Variants in CHD9 observed in about 807,000 individuals in gnomAD.
The protein encoded by CHD9 is chromodomain helicase DNA binding protein 9, also known as ATP-dependent chromatin remodeler CHD9.
CHD9 carries 77 observed loss-of-function variants against 316.1 expected under a neutral mutation model. The observed-to-expected ratio is 0.24, with a 90% CI of 0.20 to 0.29. The LOEUF is 0.29. Ranked by LOEUF, CHD9 falls within the 10% of genes least tolerant of loss-of-function variation. CHD9 has a pLI of 1.00. For synonymous variants in CHD9, 1,129 were observed against 1,158.3 expected, an observed-to-expected ratio of 0.97 and a Z score of 0.51; for missense variants, 2,763 against 3,438.1, an observed-to-expected ratio of 0.80 and a Z score of 4.91.
chr16:53,212,095 G>T (rs561546629), intron 3 of CHD9, among the ~76,000 whole-genome samples: 1 of 152,236 alleles, frequency 6.6e-6, no homozygotes, highest in East Asian at 1.9e-4. Flanking sequence ...CAACAGCAGT[G>T]TAAAATATAA....
chr16:53,203,075 A>G (rs1288780988), intron 2 of CHD9, among the ~76,000 whole-genome samples: 1 of 152,216 alleles, frequency 6.6e-6, no homozygotes, highest in Non-Finnish European at 1.5e-5. Flanking sequence ...AAAAGAAGCC[A>G]CCATACTAAT....
intron 2 of CHD9, among the ~76,000 whole-genome samples, chr16:53,159,798 C>T (rs576931482): frequency 1.5e-4 from 23 of 152,142 alleles, no homozygotes; most frequent in Middle Eastern, 3.4e-3. Flanking sequence ...TCAGTAGAGA[C>T]GGGGTTTCAG....
At chr16:53,235,610 G>A (rs75710416) in intron 11 of CHD9, among the ~76,000 whole-genome samples, 2,777 of 152,190 alleles carry the variant, frequency 0.018, 109 homozygotes, top group African/African-American at 0.063. Flanking sequence ...TTATCAACCC[G>A]TACTACTGTC....
At chr16:53,301,204 TA>T (rs1304315219) in intron 30 of CHD9, among the ~76,000 whole-genome samples, 1 of 152,260 alleles carries the variant, frequency 6.6e-6, no homozygotes, top group Non-Finnish European at 1.5e-5. Flanking sequence ...TATGTCATGT[TA>T]AAATAAATTT....
At chr16:53,185,857 A>C (rs1264535996) in intron 2 of CHD9, among the ~76,000 whole-genome samples, 1 of 152,254 alleles carries the variant, frequency 6.6e-6, no homozygotes, top group African/African-American at 2.4e-5. Context: ...TTGGGCCTGC[A>C]GATGTGCAGA....
chr16:53,254,077 C>T (rs1022210451), intron 17 of CHD9, among the ~76,000 whole-genome samples: 9 of 151,784 alleles, frequency 5.9e-5, no homozygotes, highest in Non-Finnish European at 8.8e-5. Flanking sequence ...CTCAGGAGGC[C>T]GAGGCAGGAG....
intron 1 of CHD9, among the ~76,000 whole-genome samples, chr16:53,152,953 A>G (rs1260474697): frequency 6.6e-6 from 1 of 152,216 alleles, no homozygotes; most frequent in Non-Finnish European, 1.5e-5. Context: ...AATGAGAATG[A>G]ACACTCAGAA....
rs182062580 is a variant in CHD9 at position 53,261,906 on chromosome 16, G to C, written c.4210-1081G>C. Among the ~76,000 whole-genome samples, 514 of 151,984 alleles carry C rather than the reference G, an allele frequency of 3.4e-3. 1 individual carries two copies. Among genetic ancestry groups the C allele is most frequent in the African/African-American group, 0.012 (481 of 41,454 alleles). On this transcript the variant is annotated intron_variant, in intron 19 of 38. Transcript: ENST00000447540. ...TAAAAATAAAATGAAACAATTCCTT[G>C]GTATTAATTATCTAGTGCTTAAACT...
rs181647712 is a variant in CHD9 at position 53,238,492 on chromosome 16, G to A, written c.2783G>A (p.Arg928His). ...ATTGCAAACTGGGAGAGAGAATTTC[G>A]TACGTGGACTGATATTAACGTTGTG... ...STIANWEREFRTWTDINVVVY... is the reference protein window; with the variant it reads ...STIANWEREFHTWTDINVVVY... The change falls in exon 12 of 39, where the codon CGT becomes CAT. Residue 928 changes from arginine (R) to histidine (H), a missense_variant. Arg to His is a conservative substitution (Grantham distance 29, BLOSUM62 0). Around this residue, in one of 15 missense-constraint regions of CHD9, gnomAD observed 186 missense variants for 245.0 expected, o/e 0.76. Coordinates refer to ENST00000447540, the MANE Select transcript of CHD9 (RefSeq NM_001308319.2). 1.4e-5 allele frequency: 23 copies of A among 1,613,084 alleles called. No individual in the cohort carries two copies. The highest frequency in any genetic ancestry group is 1.3e-4 in the Admixed American group (8 of 59,962).
In CHD9 at chr16:53,231,420, T is replaced by C; in HGVS notation, c.2288T>C (p.Met763Thr). ...AATTAAGTTACCTTTTAATTTTAGA[T>C]GGAAGAAGAACCATTTAACCCAGAC... ...QAQRAHFFAD[M>T]EEEPFNPDYV... Residue 763 changes from methionine to threonine, a missense_variant and splice_region_variant, in exon 9 of 39, where the codon ATG becomes ACG. Physicochemically the swap from Met to Thr is moderately conservative, Grantham distance 81 (BLOSUM62 -1). Around this residue, in one of 15 missense-constraint regions of CHD9, gnomAD observed 859 missense variants for 890.4 expected, o/e 0.96. Transcript: ENST00000447540. The C allele has an allele frequency of 6.4e-7, 1 of 1,559,946 alleles. No individual in the cohort carries two copies. The highest frequency in any genetic ancestry group is 8.8e-7 in the Non-Finnish European group (1 of 1,140,332).
At chr16:53,319,817 A>G (rs1283008284) in intron 37 of CHD9, 1 of 1,267,936 alleles carries the variant, frequency 7.9e-7, no homozygotes, top group Non-Finnish European at 1.0e-6. Flanking sequence ...GTACAGGCTT[A>G]AGGATTGATG....
chr16:53,138,258 C>G (rs543099146), intron 1 of CHD9, among the ~76,000 whole-genome samples: 1 of 151,986 alleles, frequency 6.6e-6, no homozygotes, highest in African/African-American at 2.4e-5. Context: ...TATTTTATAC[C>G]ATTAGTAAGA....
intron 3 of CHD9, among the ~76,000 whole-genome samples, chr16:53,220,902 G>A (rs1276272839): frequency 6.6e-6 from 1 of 152,146 alleles, no homozygotes; most frequent in Non-Finnish European, 1.5e-5. Context: ...TTCACTACCT[G>A]TTAAACTTCT....
At chr16:53,094,467 C>T (rs1262964283) in intron 1 of CHD9, among the ~76,000 whole-genome samples, 6 of 152,110 alleles carry the variant, frequency 3.9e-5, no homozygotes, top group East Asian at 1.9e-4. Flanking sequence ...CACCCGTACC[C>T]GGTGACCCCA....
intron 2 of CHD9, among the ~76,000 whole-genome samples, chr16:53,209,194 A>G (rs996247469): frequency 1.3e-5 from 2 of 152,208 alleles, no homozygotes; most frequent in Non-Finnish European, 2.9e-5. Flanking sequence ...ATTTGAATCA[A>G]CTATCTTTAC....
chr16:53,133,434 C>T (rs1313707597), intron 1 of CHD9, among the ~76,000 whole-genome samples: 4 of 151,830 alleles, frequency 2.6e-5, no homozygotes, highest in African/African-American at 9.7e-5. Flanking sequence ...GACTGCATCC[C>T]GTCTCTATTA....
intron 1 of CHD9, among the ~76,000 whole-genome samples, chr16:53,132,773 T>G (rs1424255674): frequency 6.6e-6 from 1 of 151,582 alleles, no homozygotes; most frequent in East Asian, 1.9e-4. Flanking sequence ...TTCGAAGACT[T>G]TCCATTTCTT....
chr16:53,194,804 G>A (rs1346643404), intron 2 of CHD9, among the ~76,000 whole-genome samples: 1 of 152,040 alleles, frequency 6.6e-6, no homozygotes, highest in Non-Finnish European at 1.5e-5. Context: ...GCCTCTTTCA[G>A]CATTTCATAG....
chr16:53,099,183 C>G (rs551506115), intron 1 of CHD9: 2 of 152,392 alleles, frequency 1.3e-5, no homozygotes, highest in Non-Finnish European at 2.9e-5. Context: ...GAGGCTCAGA[C>G]AGAGCAGCTG....
Sources: allele counts gnomAD v4.1 joint callset (sites outside exome capture counted in the v4.1 genomes callset), GRCh38; gene constraint gnomAD v4.1.1; regional missense constraint gnomAD v4.1.1; transcripts MANE v1.5; gene names NCBI Gene and HGNC (gene_info 2026-07-23, HGNC 2026-07-21).